NAALAD2: variants seen among roughly 807,000 people sequenced by gnomAD.
NAALAD2 encodes N-acetylated-alpha-linked acidic dipeptidase 2.
In NAALAD2, 89 loss-of-function variants were observed where a neutral mutation model predicts 95.6. The ratio of observed to expected loss-of-function variants is 0.93; its 90% CI spans 0.78 to 1.11. The LOEUF is 1.11. NAALAD2 is among the 50% of genes least tolerant of loss of function. The pLI is 0.00. For synonymous variants in NAALAD2, 264 were observed against 294.4 expected, an observed-to-expected ratio of 0.90 and a Z score of 1.06; for missense variants, 894 against 872.4, an observed-to-expected ratio of 1.02 and a Z score of -0.31.
intron 16 of NAALAD2, among the ~76,000 whole-genome samples, chr11:90,181,387 T>A (rs1312436403): frequency 6.6e-6 from 1 of 152,150 alleles, no homozygotes; most frequent in East Asian, 1.9e-4. Context: ...GAATTATTTG[T>A]GTCCTAGATT....
chr11:90,159,199 G>A (rs1254939563), intron 7 of NAALAD2, 40 bp from the exon 8 acceptor site: 1 of 1,422,364 alleles, frequency 7.0e-7, no homozygotes, highest in Non-Finnish European at 9.9e-7. Flanking sequence ...CTTAGAAATT[G>A]TGGTAGCCTT....
rs74700037 is a variant in NAALAD2, at chr11:90,163,596, G to A, written c.1257G>A (p.Leu419=). ...ASWDAEEFGL[L]GSTEWAEENV... ...GGGATGCAGAAGAATTTGGACTTCT[G>A]GGTTCCACAGAATGGGCTGAGGTAA... Residue 419 remains leucine (L), a synonymous_variant, in exon 11 of 19, where the codon CTG becomes CTA. Transcript: ENST00000534061. The A allele has an allele frequency of 4.1e-3, 6,550 of 1,614,010 alleles. 210 individuals carry two copies. The African/African-American group carries it at 0.072, about 18-fold the overall frequency.
rs200989937 is a variant in NAALAD2 at position 90,166,253 on chromosome 11, CTGTG to C, written c.1278+2640_1278+2643del. Among the ~76,000 whole-genome samples, 265 of 148,972 alleles carry C rather than the reference CTGTG, an allele frequency of 1.8e-3. 3 individuals carry two copies. The highest frequency in any genetic ancestry group is 6.3e-3 in the African/African-American group (251 of 40,140). Reference sequence around the variant, plus strand: ...GCTCTCTCAGCATGTTCCTCTCTGTCTGTGTGTTAGTTTTGCTTTACTTTTTCTT... The same window carrying C: ...GCTCTCTCAGCATGTTCCTCTCTGTCTGTTAGTTTTGCTTTACTTTTTCTT... On this transcript the variant is annotated intron_variant, in intron 11 of 18. Transcript: ENST00000534061.
intron 12 of NAALAD2, 47 bp downstream of exon 12, chr11:90,169,039 T>A (rs1952557464): frequency 2.2e-6 from 3 of 1,376,700 alleles, no homozygotes; most frequent in Non-Finnish European, 3.1e-6. Context: ...AAGGAAATTT[T>A]ACTTCAAGTA....
At chr11:90,170,882 G>A (rs919901419) in intron 13 of NAALAD2, among the ~76,000 whole-genome samples, 4 of 152,200 alleles carry the variant, frequency 2.6e-5, no homozygotes, top group Admixed American at 6.5e-5. Flanking sequence ...AGCCAAAGGC[G>A]TTGGTGGGAA....
chr11:90,181,279 A>G (rs929278119), intron 16 of NAALAD2, among the ~76,000 whole-genome samples: 1 of 152,090 alleles, frequency 6.6e-6, no homozygotes, highest in South Asian at 2.1e-4. Context: ...TATCCTATGC[A>G]TAGCTGTATC....
intron 18 of NAALAD2, among the ~76,000 whole-genome samples, chr11:90,186,479 C>T (rs1394506566): frequency 6.6e-6 from 1 of 152,082 alleles, no homozygotes; most frequent in Non-Finnish European, 1.5e-5. Flanking sequence ...AATAATGCCG[C>T]AATAAACATG....
intron 8 of NAALAD2, among the ~76,000 whole-genome samples, chr11:90,159,702 A>C (rs1252901083): frequency 2.6e-5 from 4 of 152,102 alleles, no homozygotes; most frequent in Admixed American, 6.6e-5. Flanking sequence ...CTGGAATCCC[A>C]GCATTTGGGA....
intron 2 of NAALAD2, among the ~76,000 whole-genome samples, chr11:90,145,501 G>A (rs974417860): frequency 6.6e-6 from 1 of 152,066 alleles, no homozygotes; most frequent in African/African-American, 2.4e-5. Flanking sequence ...AATATCTCTA[G>A]CTGTTTTGCT....
intron 3 of NAALAD2, among the ~76,000 whole-genome samples, chr11:90,148,375 A>G (rs1406730540): frequency 6.6e-6 from 1 of 152,216 alleles, no homozygotes; most frequent in Admixed American, 6.5e-5. Context: ...GATAGAGTTC[A>G]GGATGACTCC....
chr11:90,139,681 A>C (rs996518781), intron 2 of NAALAD2, among the ~76,000 whole-genome samples: 1 of 152,076 alleles, frequency 6.6e-6, no homozygotes, highest in African/African-American at 2.4e-5. Context: ...TCATAGAATG[A>C]CTTTGCTTTT....
At chr11:90,167,775 G>A (rs1364418939) in intron 11 of NAALAD2, among the ~76,000 whole-genome samples, 1 of 152,088 alleles carries the variant, frequency 6.6e-6, no homozygotes, top group Non-Finnish European at 1.5e-5. Flanking sequence ...CTAATCTAGT[G>A]GGGACGTGGG....
chr11:90,177,969 A>C lies in NAALAD2; in HGVS notation c.1710A>C (p.Arg570=). 1 of 1,613,906 alleles carries C rather than the reference A, an allele frequency of 6.2e-7. No homozygotes were observed. The highest frequency in any genetic ancestry group is 8.5e-7 in the Non-Finnish European group (1 of 1,179,966). ...FKKQLSVAQL[R]GALVYELVDS... is the part of the protein sequence containing the mutation. ...AACAACTTTCTGTGGCTCAATTACG[A>C]GGAGCACTGGTATATGAGCTTGTGG... Residue 570 remains arginine (R), a synonymous_variant, in exon 16 of 19, where the codon CGA becomes CGC. Coordinates refer to ENST00000534061, the MANE Select transcript of NAALAD2 (RefSeq NM_005467.4).
At chr11:90,135,916 A>G (rs1223074092) in intron 2 of NAALAD2, among the ~76,000 whole-genome samples, 4 of 151,924 alleles carry the variant, frequency 2.6e-5, no homozygotes, top group African/African-American at 4.8e-5. Context: ...TTTCAACTTC[A>G]TGTAACTTTG....
At chr11:90,177,451 A>G (rs1294419229) in intron 15 of NAALAD2, among the ~76,000 whole-genome samples, 1 of 151,992 alleles carries the variant, frequency 6.6e-6, no homozygotes, top group African/African-American at 2.4e-5. Context: ...AATGAAGGTT[A>G]CATAAATTAT....
intron 8 of NAALAD2, among the ~76,000 whole-genome samples, chr11:90,161,468 C>T (rs1412177779): frequency 6.6e-6 from 1 of 151,922 alleles, no homozygotes; most frequent in African/African-American, 2.4e-5. Flanking sequence ...TTTCCTATGC[C>T]CCGGGAACCA....
Position 90,158,194 on chromosome 11 carries a change from A to C in NAALAD2, c.846A>C (p.Ile282=), listed in dbSNP as rs755302036. The C allele has an allele frequency of 6.2e-7, 1 of 1,611,346 alleles. No homozygotes were observed. The change falls in exon 7 of 19, where the codon ATA becomes ATC. Residue 282 remains isoleucine, a synonymous_variant. Transcript: ENST00000534061. The stretch of plus-strand genomic sequence containing the variant: ...AAGAAGGAGTGGGAATCCCCCGAAT[A>C]CCTGTACATCCCATTGGATATAATG... ...DVEEGVGIPR[I]PVHPIGYNDA...
At chr11:90,172,575 C>T (rs1283076334) in intron 13 of NAALAD2, among the ~76,000 whole-genome samples, 1 of 152,178 alleles carries the variant, frequency 6.6e-6, no homozygotes, top group Admixed American at 6.5e-5. Flanking sequence ...AAAGCCCTTA[C>T]TTGGAGACAT....
At chr11:90,135,930 C>A (rs1396278761) in intron 2 of NAALAD2, among the ~76,000 whole-genome samples, 1 of 151,796 alleles carries the variant, frequency 6.6e-6, no homozygotes, top group Non-Finnish European at 1.5e-5. Context: ...AACTTTGGAT[C>A]TAACTGAATG....
Sources: allele counts gnomAD v4.1 joint callset (sites outside exome capture counted in the v4.1 genomes callset), GRCh38; gene constraint gnomAD v4.1.1; transcripts MANE v1.5; gene names NCBI Gene and HGNC (gene_info 2026-07-23, HGNC 2026-07-21).